The following FIGN variants were observed in gnomAD, a reference collection of about 807,000 sequenced individuals.
FIGN encodes the protein fidgetin.
Under a neutral mutation model 51.3 loss-of-function variants are expected in FIGN, and 11 were observed. That is an observed-to-expected ratio of 0.21 (90% CI 0.13 to 0.35). The LOEUF is 0.35. Ranked by LOEUF, FIGN falls within the 10% of genes least tolerant of loss-of-function variation. FIGN has a pLI of 1.00. For synonymous variants in FIGN, 407 were observed against 363.2 expected (o/e 1.12, Z -1.37); for missense variants, 857 against 943.6 (o/e 0.91, Z 1.20).
At chr2:163,665,711 TAG>T (rs1365300480) in intron 2 of FIGN, among the ~76,000 whole-genome samples, 1 of 152,196 alleles carries the variant, frequency 6.6e-6, no homozygotes, top group African/African-American at 2.4e-5. Flanking sequence ...GTGCAAACTA[TAG>T]GAGATGATGA....
chr2:163,735,952 T>G lies in FIGN; in HGVS notation c.-260A>C, dbSNP rs1685008837. The G allele has an allele frequency of 6.6e-6, 1 of 152,624 alleles. No homozygotes were observed. Among genetic ancestry groups the G allele is most frequent in the South Asian group, 2.1e-4 (1 of 4,832 alleles). 9.5% of individuals were successfully genotyped at this position (152,624 alleles called of 1,614,324 possible). A position where few individuals can be genotyped will look rare whatever the true frequency, so the allele number is the denominator to read the frequency against. ...GCCTATGATTTGAAATCATTCCAAG[T>G]TTTTGAAGGGAAGACGGACTGCAGC... On this transcript the variant is annotated 5_prime_UTR_variant, in exon 1 of 3. Coordinates refer to ENST00000333129, the MANE Select transcript of FIGN (RefSeq NM_018086.4).
chr2:163,686,275 A>G (rs1442041950), intron 2 of FIGN, among the ~76,000 whole-genome samples: 2 of 152,222 alleles, frequency 1.3e-5, no homozygotes, highest in Non-Finnish European at 2.9e-5. Flanking sequence ...TACTCATGAC[A>G]GTTTTATCCT....
chr2:163,621,475 T>C (rs939654446), intron 2 of FIGN, among the ~76,000 whole-genome samples: 1 of 152,176 alleles, frequency 6.6e-6, no homozygotes, highest in Non-Finnish European at 1.5e-5. Context: ...AAAAGCTACA[T>C]ATGAAATGAG....
rs866192022 is a variant in FIGN at position 163,610,021 on chromosome 2, C to T, written c.1811G>A (p.Arg604Gln). ...QVNEEHSPVS[R>Q]MRTEFLMQLD... is the part of the protein sequence containing the mutation. ...TTGCATCAGAAATTCGGTTCTCATC[C>T]GACTGACTGGACTATGTTCCTCATT... Residue 604 changes from arginine to glutamine, a missense_variant, in exon 3 of 3, where the codon CGG becomes CAG. Physicochemically the swap from Arg to Gln is conservative, Grantham distance 43. Around this residue, in one of 3 missense-constraint regions of FIGN, gnomAD observed 799 missense variants for 849.5 expected, o/e 0.94. Transcript: ENST00000333129. 15 of 1,614,050 alleles carry T rather than the reference C, an allele frequency of 9.3e-6. No individual in the cohort carries two copies. The highest frequency in any genetic ancestry group is 8.0e-5 in the African/African-American group (6 of 75,002).
chr2:163,735,542 G>A (rs1400783683), intron 1 of FIGN, among the ~76,000 whole-genome samples: 2 of 152,164 alleles, frequency 1.3e-5, no homozygotes, highest in East Asian at 1.9e-4. Context: ...ATAGTAATAA[G>A]TAAGCCCAAT....
chr2:163,628,746 T>C (rs939898033), intron 2 of FIGN, among the ~76,000 whole-genome samples: 1 of 152,006 alleles, frequency 6.6e-6, no homozygotes, highest in Non-Finnish European at 1.5e-5. Context: ...AGGAAATCAC[T>C]GGAAAAATTT....
intron 2 of FIGN, among the ~76,000 whole-genome samples, chr2:163,659,135 A>T (rs1683611039): frequency 6.6e-6 from 1 of 152,236 alleles, no homozygotes; most frequent in Non-Finnish European, 1.5e-5. Context: ...AAAAAAAGAA[A>T]GAATGATAAA....
At position 163,679,224 on chromosome 2, in the gene FIGN, C is replaced by T. The variant is rs1190328349; in HGVS notation, c.25+55679G>A. ...GCACACTATTTGAGGCTGGGCGTGGCGACTCACACCTGTAATCCCAGCACT... is the reference window on the plus strand; with the variant it reads ...GCACACTATTTGAGGCTGGGCGTGGTGACTCACACCTGTAATCCCAGCACT... On this transcript the variant is annotated intron_variant, in intron 2 of 2. Coordinates refer to ENST00000333129, the MANE Select transcript of FIGN (RefSeq NM_018086.4). 7.9e-5 allele frequency among the ~76,000 whole-genome samples: 12 copies of T among 151,572 alleles called. No homozygotes were observed. The East Asian group carries it at 9.7e-4, about 12-fold the overall frequency.
intron 2 of FIGN, among the ~76,000 whole-genome samples, chr2:163,733,942 CAAAAAAAA>C (rs36027114): frequency 1.0e-5 from 1 of 100,184 alleles, no homozygotes; most frequent in Non-Finnish European, 2.0e-5. Context: ...TAGCAACAAC[CAAAAAAAA>C]AAAAAAAAAA....
chr2:163,712,381 A>G (rs1381044431), intron 2 of FIGN, among the ~76,000 whole-genome samples: 2 of 152,236 alleles, frequency 1.3e-5, no homozygotes, highest in East Asian at 3.8e-4. Context: ...AAACAAAAAA[A>G]GGACACACTG....
intron 2 of FIGN, among the ~76,000 whole-genome samples, chr2:163,722,846 T>C (rs1684779647): frequency 2.0e-5 from 3 of 151,988 alleles, no homozygotes; most frequent in Non-Finnish European, 4.4e-5. Flanking sequence ...AGATCCATTC[T>C]TTAAATATTT....
At chr2:163,651,445 G>A (rs1683474355) in intron 2 of FIGN, among the ~76,000 whole-genome samples, 1 of 152,148 alleles carries the variant, frequency 6.6e-6, no homozygotes, top group African/African-American at 2.4e-5. Flanking sequence ...GACACAGTGA[G>A]ACTCCATCTC....
chr2:163,609,289 G>T lies in FIGN; in HGVS notation c.*263C>A, dbSNP rs1691177719. 1 of 432,654 alleles carries T rather than the reference G, an allele frequency of 2.3e-6. No homozygotes were observed. Among genetic ancestry groups the T allele is most frequent in the Admixed American group, 3.9e-5 (1 of 25,580 alleles). The allele number at this position is 432,654 out of a possible 1,614,324, so 26.8% of individuals were successfully genotyped here. ...TCTGAAATCAACACACTTGCACCTTGCTCCTTGGTGAGTGTTGTCTAGCTT... is the reference window on the plus strand; with the variant it reads ...TCTGAAATCAACACACTTGCACCTTTCTCCTTGGTGAGTGTTGTCTAGCTT... On this transcript the variant is annotated 3_prime_UTR_variant, in exon 3 of 3. Transcript: ENST00000333129.
At chr2:163,724,099 T>A (rs1004258872) in intron 2 of FIGN, among the ~76,000 whole-genome samples, 1 of 152,198 alleles carries the variant, frequency 6.6e-6, no homozygotes, top group Non-Finnish European at 1.5e-5. Context: ...ACCTCAATCA[T>A]CTCTTCTTTT....
Position 163,609,745 on chromosome 2 carries a change from A to G in FIGN, c.2087T>C (p.Leu696Ser). 1 of 1,614,168 alleles carries G rather than the reference A, an allele frequency of 6.2e-7. No individual in the cohort carries two copies. The highest frequency in any genetic ancestry group is 8.5e-7 in the Non-Finnish European group (1 of 1,180,020). ...GGGGCCCACCACTGCTTCCTGACAC[A>G]AATGAGCCACATCTAGTCCAGAAAA... ...EGFSGLDVAHLCQEAVVGPLH... is the reference protein window; with the variant it reads ...EGFSGLDVAHSCQEAVVGPLH... The change falls in exon 3 of 3, where the codon TTG becomes TCG. Residue 696 changes from leucine (L) to serine (S), a missense_variant. Physicochemically the swap from Leu to Ser is moderately radical, Grantham distance 145. Coordinates refer to ENST00000333129, the MANE Select transcript of FIGN (RefSeq NM_018086.4).
chr2:163,732,417 C>G (rs1683659605), intron 2 of FIGN, among the ~76,000 whole-genome samples: 2 of 152,224 alleles, frequency 1.3e-5, no homozygotes, highest in South Asian at 4.1e-4. Flanking sequence ...AGAGGAAGAA[C>G]AGAAGAGGAT....
At chr2:163,624,492 G>T (rs530181449) in intron 2 of FIGN, among the ~76,000 whole-genome samples, 3 of 151,118 alleles carry the variant, frequency 2.0e-5, no homozygotes, top group South Asian at 2.1e-4. Context: ...GGCAGCCTTT[G>T]CTGTTTTTAA....
At chr2:163,645,277 C>T (rs971464687) in intron 2 of FIGN, among the ~76,000 whole-genome samples, 1 of 151,884 alleles carries the variant, frequency 6.6e-6, no homozygotes, top group South Asian at 2.1e-4. Context: ...ATCATGAAAG[C>T]GGAATGTAAT....
chr2:163,603,443 T>C lies in FIGN; in HGVS notation c.*6109A>G, dbSNP rs1305797521. 6.6e-6 allele frequency: 1 copy of C among 152,106 alleles called. No individual in the cohort carries two copies. The highest frequency in any genetic ancestry group is 2.4e-5 in the African/African-American group (1 of 41,436). The allele number at this position is 152,106 out of a possible 1,614,324, so 9.4% of individuals were successfully genotyped here. ...AATTAGTTAGGTTTCTTTTTCTTTT[T>C]TTAAATTTCTGTCTCAGACAAGTAC... is the stretch of plus-strand genomic sequence containing the variant. On this transcript the variant is annotated 3_prime_UTR_variant, in exon 3 of 3. Coordinates refer to ENST00000333129, the MANE Select transcript of FIGN (RefSeq NM_018086.4).
Sources: gnomAD v4.1 joint callset for allele counts (sites outside exome capture counted in the v4.1 genomes callset) on GRCh38, gnomAD v4.1.1 for gene constraint, gnomAD v4.1.1 regional missense constraint, MANE v1.5 for transcripts, NCBI Gene and HGNC (gene_info 2026-07-23, HGNC 2026-07-21) for gene names.